MYH9: variants seen among roughly 807,000 people sequenced by gnomAD.
MYH9 encodes myosin heavy chain 9, also known as myosin-9.
In MYH9, 29 loss-of-function variants were observed where a neutral mutation model predicts 241.9. The ratio of observed to expected loss-of-function variants is 0.12; its 90% CI spans 0.09 to 0.16. The LOEUF (loss-of-function observed/expected upper bound fraction) is 0.16. Among genes scored for constraint, MYH9 ranks in the 10% least tolerant of loss-of-function variants. MYH9 has a pLI of 1.00. For synonymous variants in MYH9, 1,047 were observed against 1,062.6 expected, an observed-to-expected ratio of 0.99 and a Z score of 0.29; for missense variants, 1,803 against 2,595.5, an observed-to-expected ratio of 0.69 and a Z score of 6.63.
chr22:36,339,874 T>C (rs2017556570), intron 3 of MYH9, among the ~76,000 whole-genome samples: 1 of 152,070 alleles, frequency 6.6e-6, no homozygotes, highest in Admixed American at 6.6e-5. Context: ...TGTCTGTATC[T>C]AGGAGAGAAA....
intron 24 of MYH9, among the ~76,000 whole-genome samples, chr22:36,298,032 C>G (rs2016815570): frequency 6.6e-6 from 1 of 152,180 alleles, no homozygotes; most frequent in Non-Finnish European, 1.5e-5. Context: ...CTTCCGGGCT[C>G]CTCCCAGGTG....
Position 36,284,278 on chromosome 22 carries a change from A to ACGTGTGG in MYH9, c.5593-20_5593-14dup. ...ATGCCTTGTCGGCCTGCGGAGATGG[A>ACGTGTGG]CGTGTGGCCCGTGGCCCCGGTTAGG... On this transcript the variant is annotated splice_polypyrimidine_tract_variant and intron_variant, in intron 39 of 40. Coordinates refer to ENST00000216181, the MANE Select transcript of MYH9 (RefSeq NM_002473.6). 1 of 1,608,006 alleles carries ACGTGTGG rather than the reference A, an allele frequency of 6.2e-7. No individual in the cohort carries two copies. The highest frequency in any genetic ancestry group is 8.5e-7 in the Non-Finnish European group (1 of 1,178,844).
intron 13 of MYH9, among the ~76,000 whole-genome samples, chr22:36,312,644 G>C (rs993263052): frequency 6.6e-6 from 1 of 152,162 alleles, no homozygotes; most frequent in Non-Finnish European, 1.5e-5. Context: ...GGATATGTAG[G>C]AGGAGCCCCT....
intron 1 of MYH9, among the ~76,000 whole-genome samples, chr22:36,350,640 A>T (rs958558479): frequency 3.9e-5 from 6 of 152,268 alleles, no homozygotes; most frequent in African/African-American, 7.2e-5. Context: ...TCTTTGTAGT[A>T]ACAACTCTGT....
chr22:36,387,402 G>A (rs2146435429), intron 1 of MYH9, among the ~76,000 whole-genome samples: 1 of 152,314 alleles, frequency 6.6e-6, no homozygotes, highest in African/African-American at 2.4e-5. Flanking sequence ...GCGTCCCAGG[G>A]GCCGCGGCTC....
At chr22:36,368,970 T>C (rs1161437232) in intron 1 of MYH9, among the ~76,000 whole-genome samples, 1 of 152,008 alleles carries the variant, frequency 6.6e-6, no homozygotes, top group Non-Finnish European at 1.5e-5. Flanking sequence ...GCCTGTGACC[T>C]GTATTAAAAG....
intron 1 of MYH9, among the ~76,000 whole-genome samples, chr22:36,358,271 G>A (rs866423693): frequency 1.3e-5 from 2 of 152,130 alleles, no homozygotes; most frequent in South Asian, 2.1e-4. Context: ...CGCCATATTG[G>A]CCAGGCTGGT....
Position 36,285,336 on chromosome 22 carries a change from A to T in MYH9, c.5275-7T>A. 1 of 1,606,690 alleles carries T rather than the reference A, an allele frequency of 6.2e-7. No homozygotes were observed. Among genetic ancestry groups the T allele is most frequent in the Non-Finnish European group, 8.5e-7 (1 of 1,179,918 alleles). On this transcript the variant is annotated splice_polypyrimidine_tract_variant and splice_region_variant and intron_variant, in intron 37 of 40. Coordinates refer to ENST00000216181, the MANE Select transcript of MYH9 (RefSeq NM_002473.6). This position sits in a 1 kb window ranked among gnomAD's most constrained non-coding sequence, Gnocchi z 7.0. ...CGGTGTTGATCTGGTCGATCTGCAG[A>T]AGAAGGGCCAGTGACCTTGGGGAGG...
intron 40 of MYH9, 83 bp downstream of exon 40, chr22:36,284,010 T>A: frequency 6.4e-7 from 1 of 1,553,720 alleles, no homozygotes; most frequent in Non-Finnish European, 8.9e-7. Flanking sequence ...CATTCGTGCC[T>A]TGCTTGTGGG....
chr22:36,336,126 C>T (rs1448236400), intron 3 of MYH9, among the ~76,000 whole-genome samples: 1 of 152,184 alleles, frequency 6.6e-6, no homozygotes, highest in Non-Finnish European at 1.5e-5. Flanking sequence ...AGCAGATCTG[C>T]TTCCCCCAAA....
Position 36,300,777 on chromosome 22 carries a change from G to T in MYH9, c.2838+74C>A, listed in dbSNP as rs1673481124. 1 of 1,543,294 alleles carries T rather than the reference G, an allele frequency of 6.5e-7. No individual in the cohort carries two copies. The highest frequency in any genetic ancestry group is 1.7e-5 in the Admixed American group (1 of 59,576). ...TGGACCCTAATTCCATGTTCTCCCA[G>T]CTCCTGGTTCCTGCTCCTCCGCCCC... On this transcript the variant is annotated intron_variant, in intron 22 of 40. Coordinates refer to ENST00000216181, the MANE Select transcript of MYH9 (RefSeq NM_002473.6). The surrounding 1 kb of genome is among the most constrained non-coding windows in gnomAD (Gnocchi z 5.0).
chr22:36,335,403 AC>A (rs2146378404), intron 3 of MYH9, among the ~76,000 whole-genome samples: 1 of 152,316 alleles, frequency 6.6e-6, no homozygotes, highest in African/African-American at 2.4e-5. Context: ...TTGTGTGCTG[AC>A]GGCTGGCAGG....
chr22:36,370,553 C>T (rs933660186), intron 1 of MYH9, among the ~76,000 whole-genome samples: 5 of 152,212 alleles, frequency 3.3e-5, no homozygotes, highest in Non-Finnish European at 5.9e-5. Flanking sequence ...AACGCACGCT[C>T]GAACCGCAGC....
At chr22:36,292,260 A>G (rs1211299729) in intron 30 of MYH9, 26 bp from the exon 31 acceptor site, 6 of 1,613,004 alleles carry the variant, frequency 3.7e-6, no homozygotes, top group Middle Eastern at 1.7e-4. Context: ...GAGTAAGCAG[A>G]TGCCCGAGAT....
intron 1 of MYH9, among the ~76,000 whole-genome samples, chr22:36,353,102 C>CG (rs891280213): frequency 2.1e-5 from 3 of 142,876 alleles, no homozygotes; most frequent in Non-Finnish European, 4.5e-5. Flanking sequence ...CCTCTGGGGG[C>CG]GTGTGTGTGT....
At chr22:36,387,124 G>C (rs2018365037) in intron 1 of MYH9, among the ~76,000 whole-genome samples, 2 of 152,320 alleles carry the variant, frequency 1.3e-5, no homozygotes, top group Non-Finnish European at 2.9e-5. Context: ...CTCGCGCCCG[G>C]GTCCCCGCCG....
At chr22:36,289,975 T>C (rs1268872804) in intron 31 of MYH9, among the ~76,000 whole-genome samples, 1 of 152,242 alleles carries the variant, frequency 6.6e-6, no homozygotes, top group Non-Finnish European at 1.5e-5. Context: ...GTTCAGTCTA[T>C]CGTTCCCTAC....
chr22:36,289,335 G>A (rs555784850), intron 31 of MYH9, 38 bp from the exon 32 acceptor site: 8 of 1,569,942 alleles, frequency 5.1e-6, no homozygotes, highest in East Asian at 2.3e-5. Context: ...TCAGAGCTAC[G>A]GCCCCCAGCA....
intron 35 of MYH9, 59 bp downstream of exon 35, chr22:36,286,659 A>G (rs1294644137): frequency 1.2e-6 from 2 of 1,604,400 alleles, no homozygotes; most frequent in East Asian, 2.2e-5. Flanking sequence ...TGAAAGCCCC[A>G]CGCTGCCACC....
Sources: gnomAD v4.1 joint callset for allele counts (sites outside exome capture counted in the v4.1 genomes callset) on GRCh38, gnomAD v4.1.1 for gene constraint, Gnocchi (gnomAD v3.1) non-coding constraint, MANE v1.5 for transcripts, NCBI Gene and HGNC (gene_info 2026-07-23, HGNC 2026-07-21) for gene names.